Variants in GALNT17 observed in about 807,000 individuals in gnomAD.
GALNT17 encodes polypeptide N-acetylgalactosaminyltransferase 17.
In GALNT17, 29 loss-of-function variants were observed where a neutral mutation model predicts 63.7. That is an observed-to-expected ratio of 0.46 (90% CI 0.34 to 0.62). GALNT17 has a LOEUF of 0.62. Among genes scored for constraint, GALNT17 ranks in the 20% least tolerant of loss-of-function variants. GALNT17 has a pLI of 0.01. For missense variants in GALNT17, 603 were observed against 799.6 expected (o/e 0.75, Z 2.97); for synonymous variants, 305 against 318.3 (o/e 0.96, Z 0.45).
intron 6 of GALNT17, among the ~76,000 whole-genome samples, chr7:71,639,002 T>G (rs150632451): frequency 6.6e-6 from 1 of 152,196 alleles, no homozygotes; most frequent in East Asian, 1.9e-4. Context: ...ATAAAAAGAA[T>G]GAATAAGACC....
At chr7:71,603,495 G>A (rs1052484703) in intron 6 of GALNT17, among the ~76,000 whole-genome samples, 1 of 151,720 alleles carries the variant, frequency 6.6e-6, no homozygotes, top group Non-Finnish European at 1.5e-5. Flanking sequence ...ATGCCATGCT[G>A]AGTGCATACA....
chr7:71,330,200 A>T (rs1448943706), intron 1 of GALNT17, among the ~76,000 whole-genome samples: 1 of 151,904 alleles, frequency 6.6e-6, no homozygotes, highest in East Asian at 1.9e-4. Context: ...TTTAGTAGAG[A>T]CAAGGTTTCA....
At chr7:71,256,636 C>T (rs549098663) in intron 1 of GALNT17, among the ~76,000 whole-genome samples, 3 of 152,170 alleles carry the variant, frequency 2.0e-5, no homozygotes, top group Admixed American at 6.5e-5. Flanking sequence ...GACCACCTTG[C>T]GCACGTGTTC....
chr7:71,452,563 A>C (rs1165508790), intron 5 of GALNT17, among the ~76,000 whole-genome samples: 1 of 152,198 alleles, frequency 6.6e-6, no homozygotes, highest in African/African-American at 2.4e-5. Flanking sequence ...TTTAAAAATA[A>C]AAAAGGATTT....
chr7:71,468,410 TTTTA>T (rs1354095753), intron 5 of GALNT17, among the ~76,000 whole-genome samples: 11 of 150,930 alleles, frequency 7.3e-5, no homozygotes, highest in African/African-American at 2.7e-4. Flanking sequence ...TTTTATTTTA[TTTTA>T]TTTATTATTT....
intron 6 of GALNT17, among the ~76,000 whole-genome samples, chr7:71,618,706 T>C: frequency 6.6e-6 from 1 of 152,174 alleles, no homozygotes; most frequent in East Asian, 1.9e-4. Context: ...GATTCTGGAT[T>C]TTAGGCCTTT....
chr7:71,175,111 T>C (rs1403284871), intron 1 of GALNT17, among the ~76,000 whole-genome samples: 2 of 152,080 alleles, frequency 1.3e-5, no homozygotes, highest in African/African-American at 4.8e-5. Flanking sequence ...TGTCTGTCCG[T>C]CCATTCATCC....
At chr7:71,238,987 C>T (rs192983412) in intron 1 of GALNT17, among the ~76,000 whole-genome samples, 1 of 152,282 alleles carries the variant, frequency 6.6e-6, no homozygotes, top group African/African-American at 2.4e-5. Context: ...GGGCTTGAGG[C>T]CTGTCAGCAA....
At chr7:71,393,435 G>A (rs1793084813) in intron 3 of GALNT17, among the ~76,000 whole-genome samples, 2 of 152,154 alleles carry the variant, frequency 1.3e-5, no homozygotes, top group African/African-American at 4.8e-5. Context: ...AGAGGCAACT[G>A]CTCATTCGCC....
rs747369973 is a variant in GALNT17 at position 71,319,093 on chromosome 7, T to TCTTTCTTTCTTTCTTTCTTTCTTTCTTTC, written c.239-16457_239-16456insCTTTCTTTCTTTCTTTCTTTCTTTCTTTC. On this transcript the variant is annotated intron_variant, in intron 1 of 10. Coordinates refer to ENST00000333538, the MANE Select transcript of GALNT17 (RefSeq NM_022479.3). Reference sequence around the variant, plus strand: ...TCCTCAGCTTGCTGAGCTATTTTTGTTTATCTTTCTTTCTTTCTTTCTTTC... The same window carrying TCTTTCTTTCTTTCTTTCTTTCTTTCTTTC: ...TCCTCAGCTTGCTGAGCTATTTTTGTCTTTCTTTCTTTCTTTCTTTCTTTCTTTCTTATCTTTCTTTCTTTCTTTCTTTC... Among the ~76,000 whole-genome samples, 453 of 148,644 alleles carry TCTTTCTTTCTTTCTTTCTTTCTTTCTTTC rather than the reference T, an allele frequency of 3.0e-3. 5 individuals are homozygous for TCTTTCTTTCTTTCTTTCTTTCTTTCTTTC. The highest frequency in any genetic ancestry group is 0.011 in the African/African-American group (435 of 39,006).
intron 6 of GALNT17, among the ~76,000 whole-genome samples, chr7:71,589,703 G>A (rs1789770746): frequency 6.6e-6 from 1 of 152,040 alleles, no homozygotes; most frequent in African/African-American, 2.4e-5. Context: ...TTTCATTATT[G>A]AACCTATTTT....
chr7:71,336,689 G>A (rs188393464), intron 2 of GALNT17, among the ~76,000 whole-genome samples: 8 of 152,308 alleles, frequency 5.3e-5, no homozygotes, highest in Non-Finnish European at 8.8e-5. Context: ...TTATGGCTGC[G>A]TAGTATTCCA....
intron 1 of GALNT17, among the ~76,000 whole-genome samples, chr7:71,139,761 G>C (rs576490506): frequency 7.2e-5 from 11 of 152,252 alleles, no homozygotes; most frequent in South Asian, 4.1e-4. Flanking sequence ...GGGAGGCCGT[G>C]GTGGGCAGAT....
intron 6 of GALNT17, among the ~76,000 whole-genome samples, chr7:71,645,928 G>T (rs527790709): frequency 6.6e-6 from 1 of 152,260 alleles, no homozygotes; most frequent in Non-Finnish European, 1.5e-5. Flanking sequence ...TAAGTGAAAT[G>T]GGATCTGTAT....
chr7:71,505,388 C>T (rs1197308564), intron 5 of GALNT17, among the ~76,000 whole-genome samples: 1 of 152,030 alleles, frequency 6.6e-6, no homozygotes, highest in Non-Finnish European at 1.5e-5. Context: ...CACTTGAGGC[C>T]AAGAGTTCAA....
intron 1 of GALNT17, among the ~76,000 whole-genome samples, chr7:71,208,076 C>T (rs1789307508): frequency 6.6e-6 from 1 of 152,018 alleles, no homozygotes; most frequent in African/African-American, 2.4e-5. Flanking sequence ...GCTGGGGCTA[C>T]AGTCATGCCA....
chr7:71,488,995 G>A (rs1008204118), intron 5 of GALNT17, among the ~76,000 whole-genome samples: 4 of 129,490 alleles, frequency 3.1e-5, no homozygotes, highest in African/African-American at 1.2e-4. Flanking sequence ...CCAGATTCAA[G>A]CGATTCTCCT....
At chr7:71,265,116 A>ATTTTTT (rs1562957669) in intron 1 of GALNT17, among the ~76,000 whole-genome samples, 4 of 59,034 alleles carry the variant, frequency 6.8e-5, no homozygotes, top group Admixed American at 1.8e-4. Context: ...ATATATATAT[A>ATTTTTT]TATTTTTTTT....
At chr7:71,574,874 T>C (rs1789510096) in intron 6 of GALNT17, among the ~76,000 whole-genome samples, 1 of 152,160 alleles carries the variant, frequency 6.6e-6, no homozygotes, top group Non-Finnish European at 1.5e-5. Context: ...ATGCATGTCC[T>C]TTAGCAGAAA....
Sources: gnomAD v4.1 joint callset for allele counts (sites outside exome capture counted in the v4.1 genomes callset) on GRCh38, gnomAD v4.1.1 for gene constraint, MANE v1.5 for transcripts, NCBI Gene and HGNC (gene_info 2026-07-23, HGNC 2026-07-21) for gene names.